CNTN4: variants seen among roughly 807,000 people sequenced by gnomAD.
CNTN4 encodes the protein contactin-4.
A neutral mutation model predicts 122.5 loss-of-function variants in CNTN4; 77 were observed. The ratio of observed to expected loss-of-function variants is 0.63; its 90% CI spans 0.52 to 0.76. The LOEUF (loss-of-function observed/expected upper bound fraction) is 0.76, where lower values mean the gene tolerates loss of function less well. CNTN4 is among the 30% of genes least tolerant of loss of function. The pLI, the probability that CNTN4 is intolerant of heterozygous loss-of-function variation, is 0.00. For synonymous variants in CNTN4, 512 were observed against 447.0 expected (o/e 1.15, Z -1.83); for missense variants, 1,256 against 1,259.1 (o/e 1.00, Z 0.04).
chr3:2,203,660 A>T (rs1402752821), intron 2 of CNTN4, among the ~76,000 whole-genome samples: 2 of 152,154 alleles, frequency 1.3e-5, no homozygotes, highest in African/African-American at 4.8e-5. Flanking sequence ...TAGAGGGAGC[A>T]GGCACTAAGT....
At chr3:2,917,343 A>AC in intron 12 of CNTN4, among the ~76,000 whole-genome samples, 1 of 131,538 alleles carries the variant, frequency 7.6e-6, no homozygotes, top group African/African-American at 2.9e-5. Context: ...GAATAGGGAG[A>AC]GGAAGAGGGA....
At position 2,729,327 on chromosome 3, in the gene CNTN4, G is replaced by T. The variant is rs548961331; in HGVS notation, c.56-6888G>T. Among the ~76,000 whole-genome samples the T allele has an allele frequency of 1.1e-4, 17 of 151,892 alleles. No individual in the cohort carries two copies. In the South Asian group the frequency reaches 3.3e-3, roughly 30 times the overall value. On this transcript the variant is annotated intron_variant, in intron 4 of 24. Coordinates refer to ENST00000418658, the MANE Select transcript of CNTN4 (RefSeq NM_175607.3). The stretch of plus-strand genomic sequence containing the variant: ...CGCCTGTAATCCTAGCACTTTGGGA[G>T]GCCAAGGCGGGCGGATCACGAGGTC...
chr3:2,885,970 G>T (rs1577155162), intron 9 of CNTN4, among the ~76,000 whole-genome samples: 2 of 152,124 alleles, frequency 1.3e-5, no homozygotes, highest in Admixed American at 1.3e-4. Flanking sequence ...ACAGCTCAGG[G>T]CTGCCATGAG....
intron 2 of CNTN4, among the ~76,000 whole-genome samples, chr3:2,209,474 C>T (rs2038509228): frequency 6.6e-6 from 1 of 152,228 alleles, no homozygotes; most frequent in Middle Eastern, 3.4e-3. Flanking sequence ...GTATTCCATA[C>T]CATCAGCATC....
chr3:2,913,886 C>G (rs1477201298), intron 12 of CNTN4, among the ~76,000 whole-genome samples: 1 of 151,952 alleles, frequency 6.6e-6, no homozygotes, highest in Non-Finnish European at 1.5e-5. Context: ...GAACAGTGTC[C>G]AAAAGAGACC....
intron 3 of CNTN4, among the ~76,000 whole-genome samples, chr3:2,561,274 G>A (rs1057320421): frequency 2.6e-5 from 4 of 152,136 alleles, no homozygotes; most frequent in Non-Finnish European, 4.4e-5. Context: ...AGCAGAATTG[G>A]CACTCTGCAG....
intron 12 of CNTN4, among the ~76,000 whole-genome samples, chr3:2,916,927 G>T (rs1465971716): frequency 6.8e-6 from 1 of 146,682 alleles, no homozygotes; most frequent in Middle Eastern, 3.2e-3. Context: ...TGCAGTCTCG[G>T]CACTTTGGGA....
At chr3:2,612,830 T>C (rs1308021275) in intron 4 of CNTN4, among the ~76,000 whole-genome samples, 1 of 152,046 alleles carries the variant, frequency 6.6e-6, no homozygotes, top group Non-Finnish European at 1.5e-5. Flanking sequence ...TGAAAGGAAA[T>C]AGGAGGATAT....
At chr3:2,529,335 T>C (rs926632524) in intron 3 of CNTN4, among the ~76,000 whole-genome samples, 10 of 152,214 alleles carry the variant, frequency 6.6e-5, no homozygotes, top group African/African-American at 2.4e-4. Context: ...ATACGTATTT[T>C]CTTCATCCAT....
At chr3:2,943,765 A>G (rs1017884212) in intron 13 of CNTN4, among the ~76,000 whole-genome samples, 2 of 151,514 alleles carry the variant, frequency 1.3e-5, no homozygotes, top group African/African-American at 4.8e-5. Context: ...CTGGGATTAC[A>G]GGCATGCACC....
At chr3:2,809,296 G>A (rs974638359) in intron 6 of CNTN4, among the ~76,000 whole-genome samples, 1 of 152,126 alleles carries the variant, frequency 6.6e-6, no homozygotes, top group Non-Finnish European at 1.5e-5. Context: ...GGTTCCTAAA[G>A]GCTAAACATG....
chr3:2,911,612 C>T (rs1379081055), intron 12 of CNTN4, among the ~76,000 whole-genome samples: 1 of 151,926 alleles, frequency 6.6e-6, no homozygotes, highest in African/African-American at 2.4e-5. Flanking sequence ...ATATCAATTA[C>T]CAAAGAATTC....
At chr3:2,754,537 A>T (rs1258045533) in intron 6 of CNTN4, among the ~76,000 whole-genome samples, 3 of 152,146 alleles carry the variant, frequency 2.0e-5, no homozygotes, top group Non-Finnish European at 4.4e-5. Context: ...CTAGACTAAT[A>T]CACCATTCAT....
chr3:2,389,306 CCG>C (rs2046361711), intron 3 of CNTN4, among the ~76,000 whole-genome samples: 2 of 105,524 alleles, frequency 1.9e-5, no homozygotes, highest in African/African-American at 3.1e-5. Context: ...GAAACCTTCC[CCG>C]TGATGTATCT....
chr3:2,421,058 C>T (rs2047596181), intron 3 of CNTN4, among the ~76,000 whole-genome samples: 1 of 152,194 alleles, frequency 6.6e-6, no homozygotes, highest in Non-Finnish European at 1.5e-5. Context: ...CCACACCCAA[C>T]TGGCAAACAC....
chr3:2,937,615 T>C (rs2094578247), intron 13 of CNTN4, among the ~76,000 whole-genome samples: 1 of 152,170 alleles, frequency 6.6e-6, no homozygotes, highest in Non-Finnish European at 1.5e-5. Flanking sequence ...AGGACTTGGT[T>C]TCTAGAGTTT....
chr3:2,124,433 A>AACACACACACACACACACAC (rs60760373), intron 2 of CNTN4, among the ~76,000 whole-genome samples: 16 of 123,814 alleles, frequency 1.3e-4, no homozygotes, highest in Admixed American at 1.2e-3. Flanking sequence ...ATTTATTTAA[A>AACACACACACACACACACAC]ACACACACAC....
At chr3:2,594,841 A>G (rs1003746636) in intron 4 of CNTN4, among the ~76,000 whole-genome samples, 7 of 152,130 alleles carry the variant, frequency 4.6e-5, no homozygotes, top group South Asian at 2.1e-4. Context: ...CATTTAGAGT[A>G]GTTTTTTCTT....
intron 2 of CNTN4, among the ~76,000 whole-genome samples, chr3:2,276,925 C>T (rs2041532178): frequency 6.6e-6 from 1 of 151,900 alleles, no homozygotes; most frequent in African/African-American, 2.4e-5. Context: ...AGGGTTTGGT[C>T]TACAAATATA....
Sources: gnomAD v4.1 joint callset for allele counts (sites outside exome capture counted in the v4.1 genomes callset) on GRCh38, gnomAD v4.1.1 for gene constraint, MANE v1.5 for transcripts, NCBI Gene and HGNC (gene_info 2026-07-23, HGNC 2026-07-21) for gene names.